The following AP2B1 variants were observed in gnomAD, a reference collection of about 807,000 sequenced individuals.
The protein encoded by AP2B1 is adaptor related protein complex 2 subunit beta 1, also known as AP-2 complex subunit beta.
AP2B1 carries 23 observed loss-of-function variants against 102.0 expected under a neutral mutation model. The ratio of observed to expected loss-of-function variants is 0.23; its 90% CI spans 0.16 to 0.32. AP2B1 has a LOEUF of 0.32. Ranked by LOEUF, AP2B1 falls within the 10% of genes least tolerant of loss-of-function variation. The pLI is 1.00. For missense variants in AP2B1, 541 were observed against 1,157.4 expected, an observed-to-expected ratio of 0.47 and a Z score of 7.73; for synonymous variants, 381 against 421.2, an observed-to-expected ratio of 0.90 and a Z score of 1.17.
rs569701571 is a variant in AP2B1 at position 35,627,245 on chromosome 17, CTTTTTTTTTTT to C, written c.939-126_939-116del. On this transcript the variant is annotated intron_variant, in intron 7 of 21. Coordinates refer to ENST00000610402, the MANE Select transcript of AP2B1 (RefSeq NM_001030006.2). ...TAGAGGCGTATAGAGGAAGTTTATG[CTTTTTTTTTTT>C]TTTTTTTTTTTTTGCCTGAGTGGAG... 161 of 178,472 alleles carry C rather than the reference CTTTTTTTTTTT, an allele frequency of 9.0e-4. 1 individual carries two copies. Among genetic ancestry groups the C allele is most frequent in the Middle Eastern group, 8.8e-3 (3 of 342 alleles). The allele number at this position is 178,472 out of a possible 1,614,324, so 11.1% of individuals were successfully genotyped here. A position where few individuals can be genotyped will look rare whatever the true frequency, so the allele number is the denominator to read the frequency against.
chr17:35,705,904 C>G (rs892372092), intron 18 of AP2B1, among the ~76,000 whole-genome samples: 1 of 152,120 alleles, frequency 6.6e-6, no homozygotes, highest in Non-Finnish European at 1.5e-5. Flanking sequence ...GTTCACTGTG[C>G]TGTGCAAATA....
At chr17:35,650,382 A>C in intron 12 of AP2B1, 148 bp from the exon 13 acceptor site, 6 of 922,566 alleles carry the variant, frequency 6.5e-6, no homozygotes, top group Non-Finnish European at 9.9e-6. Flanking sequence ...GGCATGAGCT[A>C]TGAGCTACCA....
intron 18 of AP2B1, among the ~76,000 whole-genome samples, chr17:35,699,405 A>C (rs1713965012): frequency 6.6e-6 from 1 of 152,210 alleles, no homozygotes. Context: ...ACAATGTCCT[A>C]ATGTCTCCTG....
At chr17:35,690,242 C>A (rs1485818201) in intron 18 of AP2B1, among the ~76,000 whole-genome samples, 1 of 152,208 alleles carries the variant, frequency 6.6e-6, no homozygotes, top group Non-Finnish European at 1.5e-5. Flanking sequence ...TAATCCAGAG[C>A]ATTTTCATTT....
At chr17:35,619,486 A>C (rs1598062843) in intron 5 of AP2B1, among the ~76,000 whole-genome samples, 3 of 151,886 alleles carry the variant, frequency 2.0e-5, no homozygotes, top group South Asian at 4.2e-4. Context: ...CTATTTAAAA[A>C]AAAAACAAAA....
intron 14 of AP2B1, among the ~76,000 whole-genome samples, chr17:35,665,846 T>G (rs2075453337): frequency 6.6e-6 from 1 of 152,230 alleles, no homozygotes; most frequent in Non-Finnish European, 1.5e-5. Flanking sequence ...AGCAAACAGA[T>G]GTACTTTGGA....
chr17:35,661,426 A>G lies in AP2B1; in HGVS notation c.1989+3635A>G, dbSNP rs531984640. 8.2e-4 allele frequency among the ~76,000 whole-genome samples: 125 copies of G among 152,336 alleles called. 2 individuals are homozygous for G. The highest frequency in any genetic ancestry group is 2.8e-3 in the African/African-American group (115 of 41,578). On this transcript the variant is annotated intron_variant, in intron 14 of 21. Coordinates refer to ENST00000610402, the MANE Select transcript of AP2B1 (RefSeq NM_001030006.2). ...TAGAGATGTTAAAAACTGATCTCTA[A>G]GCCAAGACAGTGACCGCCACAGAAG...
intron 17 of AP2B1, among the ~76,000 whole-genome samples, chr17:35,680,716 T>TTC (rs1567972495): frequency 9.4e-5 from 14 of 149,478 alleles, no homozygotes; most frequent in African/African-American, 3.2e-4. Context: ...TTTTTTTTTT[T>TTC]CAGACAGTCT....
intron 18 of AP2B1, among the ~76,000 whole-genome samples, chr17:35,690,620 G>A (rs745775447): frequency 3.3e-5 from 5 of 152,066 alleles, no homozygotes; most frequent in African/African-American, 9.7e-5. Flanking sequence ...TAATCCTCTC[G>A]TTTTTAACAC....
chr17:35,595,332 G>C (rs956671198), intron 2 of AP2B1, among the ~76,000 whole-genome samples: 1 of 152,086 alleles, frequency 6.6e-6, no homozygotes, highest in African/African-American at 2.4e-5. Context: ...TTGTTTGAGT[G>C]CAGGAGTTTG....
intron 14 of AP2B1, among the ~76,000 whole-genome samples, chr17:35,667,770 C>T (rs551903696): frequency 6.6e-6 from 1 of 152,126 alleles, no homozygotes; most frequent in Admixed American, 6.5e-5. Context: ...ATAAAGAATT[C>T]TATCTCTTTG....
intron 21 of AP2B1, 69 bp from the exon 22 acceptor site, chr17:35,723,556 G>A (rs1555593933): frequency 9.8e-7 from 1 of 1,021,490 alleles, no homozygotes; most frequent in African/African-American, 1.6e-5. Context: ...CTTGAACTGA[G>A]TGCTTGGATA....
chr17:35,657,585 G>A lies in AP2B1; in HGVS notation c.1797-14G>A. On this transcript the variant is annotated splice_polypyrimidine_tract_variant and intron_variant, in intron 13 of 21. Transcript: ENST00000610402. ...CTTTTCTCTTTTCTCCATTTTATGT[G>A]TATGTGACTTTAGCACTGATGCAGG... 6.2e-7 allele frequency: 1 copy of A among 1,604,094 alleles called. No homozygotes were observed. Among genetic ancestry groups the A allele is most frequent in the Non-Finnish European group, 8.5e-7 (1 of 1,173,362 alleles).
At chr17:35,607,669 T>C (rs900944014) in intron 4 of AP2B1, among the ~76,000 whole-genome samples, 9 of 152,216 alleles carry the variant, frequency 5.9e-5, no homozygotes, top group Non-Finnish European at 1.2e-4. Flanking sequence ...CCAGCTCCTG[T>C]GCTCCCCTTT....
At chr17:35,715,163 ACAGTACAGT>A (rs2076528494) in intron 20 of AP2B1, among the ~76,000 whole-genome samples, 3 of 152,242 alleles carry the variant, frequency 2.0e-5, no homozygotes, top group Admixed American at 1.3e-4. Context: ...GATAAAAATC[ACAGTACAGT>A]CATTCATTAG....
chr17:35,714,290 T>C (rs587648977), intron 20 of AP2B1, among the ~76,000 whole-genome samples: 60 of 152,326 alleles, frequency 3.9e-4, no homozygotes, highest in African/African-American at 1.4e-3. Flanking sequence ...ATTTGGTTGC[T>C]TAAATGGTAA....
Position 35,644,221 on chromosome 17 carries a change from A to G in AP2B1, c.1536+2246A>G, listed in dbSNP as rs187685887. On this transcript the variant is annotated intron_variant, in intron 12 of 21. Coordinates refer to ENST00000610402, the MANE Select transcript of AP2B1 (RefSeq NM_001030006.2). ...TGCCCATGGTCTTGTCCACTGTGCTATGCTTCCTCTCTAGTCTGAAGGTTA... is the reference window on the plus strand; with the variant it reads ...TGCCCATGGTCTTGTCCACTGTGCTGTGCTTCCTCTCTAGTCTGAAGGTTA... Among the ~76,000 whole-genome samples, 10 of 152,318 alleles carry G rather than the reference A, an allele frequency of 6.6e-5. 1 individual carries two copies. Among genetic ancestry groups the G allele is most frequent in the Admixed American group, 5.9e-4 (9 of 15,294 alleles).
chr17:35,709,398 T>C (rs1296325307), intron 19 of AP2B1, 90 bp downstream of exon 19: 1 of 1,117,246 alleles, frequency 9.0e-7, no homozygotes, highest in Non-Finnish European at 1.4e-6. Flanking sequence ...TTTGAGTTAT[T>C]TTGAGGTTAA....
chr17:35,720,771 C>T (rs1192947468), intron 21 of AP2B1, among the ~76,000 whole-genome samples: 1 of 151,020 alleles, frequency 6.6e-6, no homozygotes, highest in Non-Finnish European at 1.5e-5. Context: ...TTTATACTTC[C>T]TTGCCCTCTT....
Sources: allele counts gnomAD v4.1 joint callset (sites outside exome capture counted in the v4.1 genomes callset), GRCh38; gene constraint gnomAD v4.1.1; transcripts MANE v1.5; gene names NCBI Gene and HGNC (gene_info 2026-07-23, HGNC 2026-07-21).